STPG2: variants seen among roughly 807,000 people sequenced by gnomAD.
STPG2 encodes the protein sperm-tail PG-rich repeat-containing protein 2.
In STPG2, 56 loss-of-function variants were observed where a neutral mutation model predicts 54.2. The observed-to-expected ratio is 1.03, with a 90% CI of 0.83 to 1.29. The LOEUF (loss-of-function observed/expected upper bound fraction) is 1.29, where lower values mean the gene tolerates loss of function less well. STPG2 is among the 50% of genes most tolerant of loss of function. STPG2 has a pLI of 0.00. For synonymous variants in STPG2, 200 were observed against 181.8 expected (o/e 1.10, Z -0.81); for missense variants, 596 against 544.9 (o/e 1.09, Z -0.93).
chr4:97,725,973 CAGATTCT>C (rs1724611691), intron 9 of STPG2, among the ~76,000 whole-genome samples: 1 of 151,474 alleles, frequency 6.6e-6, no homozygotes, highest in Non-Finnish European at 1.5e-5. Context: ...TCAGCAAAAC[CAGATTCT>C]AGAAGACAAT....
chr4:97,508,947 T>G (rs1730910599), intron 4 of STPG2, among the ~76,000 whole-genome samples: 1 of 152,154 alleles, frequency 6.6e-6, no homozygotes, highest in Non-Finnish European at 1.5e-5. Context: ...TTTCATTGTC[T>G]TTTTAAAATC....
intron 4 of STPG2, among the ~76,000 whole-genome samples, chr4:97,468,037 A>T (rs1229708358): frequency 6.6e-6 from 1 of 151,994 alleles, no homozygotes; most frequent in African/African-American, 2.4e-5. Flanking sequence ...ATCCTCATAA[A>T]CAATTAATCC....
At chr4:97,716,224 A>C (rs940629092) in intron 9 of STPG2, among the ~76,000 whole-genome samples, 1 of 152,182 alleles carries the variant, frequency 6.6e-6, no homozygotes, top group African/African-American at 2.4e-5. Flanking sequence ...ATGTGGAGAA[A>C]CAGGAATGCT....
intron 8 of STPG2, among the ~76,000 whole-genome samples, chr4:97,885,403 C>T (rs768910600): frequency 3.9e-5 from 6 of 152,214 alleles, no homozygotes; most frequent in Admixed American, 1.3e-4. Flanking sequence ...CTAAATATCA[C>T]GTGTTACCAT....
intron 4 of STPG2, among the ~76,000 whole-genome samples, chr4:97,513,132 C>A (rs918443404): frequency 6.6e-6 from 1 of 152,026 alleles, no homozygotes; most frequent in Non-Finnish European, 1.5e-5. Flanking sequence ...CTAAGGGAAA[C>A]AATTTACTTA....
At chr4:97,895,942 T>C (rs1730937912) in intron 8 of STPG2, among the ~76,000 whole-genome samples, 1 of 151,780 alleles carries the variant, frequency 6.6e-6, no homozygotes, top group Admixed American at 6.6e-5. Flanking sequence ...TAACATCAAG[T>C]GTGAACACAA....
At chr4:97,454,788 T>C (rs1250974843) in intron 4 of STPG2, among the ~76,000 whole-genome samples, 1 of 151,942 alleles carries the variant, frequency 6.6e-6, no homozygotes, top group African/African-American at 2.4e-5. Context: ...GAGATGATAT[T>C]TATGTTGTTG....
At chr4:97,578,875 T>C (rs1301065968) in intron 10 of STPG2, among the ~76,000 whole-genome samples, 1 of 152,142 alleles carries the variant, frequency 6.6e-6, no homozygotes, top group Non-Finnish European at 1.5e-5. Context: ...AGCTATGGCA[T>C]AGTCAGGCCT....
chr4:97,690,202 T>C (rs926223662), intron 10 of STPG2, among the ~76,000 whole-genome samples: 1 of 152,148 alleles, frequency 6.6e-6, no homozygotes, highest in Non-Finnish European at 1.5e-5. Context: ...ATTAGAGTAA[T>C]TGATTTTTTT....
intron 4 of STPG2, among the ~76,000 whole-genome samples, chr4:97,535,778 T>C (rs1300669215): frequency 1.3e-5 from 2 of 152,176 alleles, no homozygotes; most frequent in African/African-American, 4.8e-5. Context: ...TTATATTTCA[T>C]GAAAATTAGA....
At chr4:97,991,585 C>T (rs113375182) in intron 5 of STPG2, among the ~76,000 whole-genome samples, 1,894 of 151,840 alleles carry the variant, frequency 0.012, 26 homozygotes, top group African/African-American at 0.025. Context: ...GTATCTTTTT[C>T]GTACAATGAC....
At chr4:98,098,070 C>A (rs1738913693) in intron 5 of STPG2, among the ~76,000 whole-genome samples, 1 of 152,072 alleles carries the variant, frequency 6.6e-6, no homozygotes, top group African/African-American at 2.4e-5. Context: ...AGAGCCAGTG[C>A]AATCCCTATC....
chr4:97,744,593 C>T (rs865910386), intron 9 of STPG2, among the ~76,000 whole-genome samples: 2 of 151,260 alleles, frequency 1.3e-5, no homozygotes, highest in Non-Finnish European at 3.0e-5. Context: ...CCAGTGGATG[C>T]CTGAAACTGT....
intron 8 of STPG2, among the ~76,000 whole-genome samples, chr4:97,938,417 A>T (rs1578710887): frequency 1.3e-5 from 1 of 74,316 alleles, no homozygotes. Context: ...TCCCTCGGGG[A>T]GCTCAGTTGT....
At chr4:97,743,122 T>C (rs1393513616) in intron 9 of STPG2, among the ~76,000 whole-genome samples, 3 of 151,660 alleles carry the variant, frequency 2.0e-5, no homozygotes, top group Admixed American at 6.6e-5. Flanking sequence ...AGAAAAGCAA[T>C]TCTAGTTTTC....
intron 5 of STPG2, among the ~76,000 whole-genome samples, chr4:97,991,463 A>G (rs35425991): frequency 0.69 from 95,036 of 137,132 alleles, 33,142 homozygotes; most frequent in Middle Eastern, 0.81. Flanking sequence ...GTGTGTGTAT[A>G]TATATATATG....
At chr4:97,502,599 T>A (rs1241464618) in intron 4 of STPG2, among the ~76,000 whole-genome samples, 1 of 151,490 alleles carries the variant, frequency 6.6e-6, no homozygotes, top group Non-Finnish European at 1.5e-5. Context: ...TATCAAGAAT[T>A]CAAAAATTTA....
intron 9 of STPG2, among the ~76,000 whole-genome samples, chr4:97,740,015 A>G (rs1255960031): frequency 6.6e-6 from 1 of 152,056 alleles, no homozygotes; most frequent in African/African-American, 2.4e-5. Flanking sequence ...CTTATCCACC[A>G]TGATCAAGTG....
At chr4:97,880,520 C>T (rs918827903) in intron 8 of STPG2, among the ~76,000 whole-genome samples, 2 of 151,968 alleles carry the variant, frequency 1.3e-5, no homozygotes, top group African/African-American at 4.8e-5. Flanking sequence ...ATTTCTAGTT[C>T]AGAGTCCCTT....
Sources: allele counts gnomAD v4.1 joint callset (sites outside exome capture counted in the v4.1 genomes callset), GRCh38; gene constraint gnomAD v4.1.1; transcripts MANE v1.5; gene names NCBI Gene and HGNC (gene_info 2026-07-23, HGNC 2026-07-21).